Variants in AK8 observed in about 807,000 individuals in gnomAD.
The protein encoded by AK8 is adenylate kinase 8, also known as ATP-AMP transphosphorylase 8.
AK8 carries 44 observed loss-of-function variants against 54.6 expected under a neutral mutation model. That is an observed-to-expected ratio of 0.81 (90% CI 0.63 to 1.04). AK8 has a LOEUF of 1.04. Among genes scored for constraint, AK8 ranks in the 50% least tolerant of loss-of-function variants. The pLI is 0.00. For synonymous variants in AK8, 239 were observed against 245.6 expected, an observed-to-expected ratio of 0.97 and a Z score of 0.25; for missense variants, 555 against 613.6, an observed-to-expected ratio of 0.90 and a Z score of 1.01.
Position 132,860,485 on chromosome 9 carries a change from G to A in AK8, c.333+3180C>T, listed in dbSNP as rs1191934769. Among the ~76,000 whole-genome samples the A allele has an allele frequency of 6.6e-6, 1 of 152,242 alleles. No homozygotes were observed. The highest frequency in any genetic ancestry group is 2.4e-5 in the African/African-American group (1 of 41,468). On this transcript the variant is annotated intron_variant, in intron 4 of 12. Coordinates refer to ENST00000298545, the MANE Select transcript of AK8 (RefSeq NM_152572.3). The surrounding 1 kb of genome is among the most constrained non-coding windows in gnomAD (Gnocchi z 4.4). ...CGGACTCGAACGCAGGTAGAGGACA[G>A]GGAGAGTTCTAGAGGAAAAGGGAAG...
chr9:132,812,355 C>T (rs942062694), intron 10 of AK8, among the ~76,000 whole-genome samples: 10 of 151,354 alleles, frequency 6.6e-5, no homozygotes, highest in Non-Finnish European at 7.4e-5. Context: ...TTCAACCTCC[C>T]GAGTAGCTGG....
At chr9:132,761,812 T>TTC (rs201443052) in intron 11 of AK8, among the ~76,000 whole-genome samples, 4 of 150,556 alleles carry the variant, frequency 2.7e-5, no homozygotes, top group African/African-American at 7.3e-5. Flanking sequence ...CCCTCCCTCC[T>TTC]TCTCTCTCTC....
chr9:132,773,632 G>A (rs1348095295), intron 11 of AK8, among the ~76,000 whole-genome samples: 1 of 152,182 alleles, frequency 6.6e-6, no homozygotes, highest in African/African-American at 2.4e-5. Context: ...TGTTACATGG[G>A]AGGAAACCAT....
chr9:132,834,309 T>A (rs1359513526), intron 5 of AK8, among the ~76,000 whole-genome samples: 2 of 152,168 alleles, frequency 1.3e-5, no homozygotes, highest in Non-Finnish European at 2.9e-5. Flanking sequence ...ACTACCTTGA[T>A]GAACATAAAA....
chr9:132,844,342 CT>C (rs1301685624), intron 5 of AK8, among the ~76,000 whole-genome samples: 2 of 151,802 alleles, frequency 1.3e-5, no homozygotes, highest in African/African-American at 4.8e-5. Flanking sequence ...AACGACCCCC[CT>C]GCATTAACTA....
At chr9:132,821,415 A>T (rs541642437) in intron 9 of AK8, among the ~76,000 whole-genome samples, 1 of 152,014 alleles carries the variant, frequency 6.6e-6, no homozygotes, top group South Asian at 2.1e-4. Context: ...TCTTAAGAGG[A>T]ACAATCAAAA....
At chr9:132,865,686 G>A (rs916459451) in intron 3 of AK8, among the ~76,000 whole-genome samples, 33 of 152,244 alleles carry the variant, frequency 2.2e-4, no homozygotes, top group African/African-American at 5.3e-4. Flanking sequence ...GGTGGCGTAC[G>A]CCTGTAGTCC....
intron 11 of AK8, among the ~76,000 whole-genome samples, chr9:132,759,233 CA>C (rs1838341002): frequency 6.6e-6 from 1 of 151,260 alleles, no homozygotes; most frequent in African/African-American, 2.4e-5. Context: ...TGTACAATTC[CA>C]CAGGTTTTAG....
At chr9:132,870,310 G>C (rs1347273286) in intron 2 of AK8, among the ~76,000 whole-genome samples, 4 of 152,208 alleles carry the variant, frequency 2.6e-5, no homozygotes, top group African/African-American at 9.7e-5. Flanking sequence ...CCCTGCTCAT[G>C]AGTAATTATT....
chr9:132,800,596 G>A (rs957029607), intron 10 of AK8, among the ~76,000 whole-genome samples: 3 of 152,118 alleles, frequency 2.0e-5, no homozygotes, highest in Admixed American at 1.3e-4. Context: ...TTTCTTAGAC[G>A]CCAACCTTTC....
At chr9:132,736,800 AAAGGC>A (rs1837140810) in intron 11 of AK8, among the ~76,000 whole-genome samples, 1 of 151,630 alleles carries the variant, frequency 6.6e-6, no homozygotes, top group South Asian at 2.1e-4. Flanking sequence ...AAAAAAAAAA[AAAGGC>A]ATAAAATTTT....
intron 11 of AK8, among the ~76,000 whole-genome samples, chr9:132,776,122 C>T (rs1430190312): frequency 6.6e-6 from 1 of 152,176 alleles, no homozygotes. Context: ...TCAATGGTCC[C>T]CAGGCAGGAA....
rs73660282 is a variant in AK8, at chr9:132,855,722, A to G, written c.334-797T>C. Among the ~76,000 whole-genome samples, 587 of 152,312 alleles carry G rather than the reference A, an allele frequency of 3.9e-3. 4 individuals carry two copies. Among genetic ancestry groups the G allele is most frequent in the African/African-American group, 0.013 (545 of 41,562 alleles). Reference sequence around the variant, plus strand: ...CAATCATGACGGCTAGCATTTGTTGAGCACGTGCTATGTGCCAGGCACTGG... The same window carrying G: ...CAATCATGACGGCTAGCATTTGTTGGGCACGTGCTATGTGCCAGGCACTGG... On this transcript the variant is annotated intron_variant, in intron 4 of 12. Coordinates refer to ENST00000298545, the MANE Select transcript of AK8 (RefSeq NM_152572.3).
chr9:132,845,315 T>A (rs1002541075), intron 5 of AK8, among the ~76,000 whole-genome samples: 13 of 152,236 alleles, frequency 8.5e-5, no homozygotes, highest in African/African-American at 3.1e-4. Context: ...AATAACGATG[T>A]CAATTATAAT....
chr9:132,866,678 C>T (rs1453218991), intron 3 of AK8, among the ~76,000 whole-genome samples: 1 of 152,134 alleles, frequency 6.6e-6, no homozygotes, highest in Admixed American at 6.5e-5. Context: ...TCCGAGCATG[C>T]TAAAGGAATG....
At chr9:132,750,742 C>G (rs994605160) in intron 11 of AK8, among the ~76,000 whole-genome samples, 5 of 152,008 alleles carry the variant, frequency 3.3e-5, no homozygotes, top group Middle Eastern at 3.2e-3. Context: ...TAGGCTCCCT[C>G]CCCTCCCAAA....
intron 5 of AK8, among the ~76,000 whole-genome samples, chr9:132,852,713 T>C (rs566204891): frequency 7.8e-6 from 1 of 128,974 alleles, no homozygotes; most frequent in African/African-American, 3.1e-5. Context: ...GAGGTTGCAG[T>C]GAGCCGAGAT....
Position 132,871,677 on chromosome 9 carries a change from A to C in AK8, c.169+3438T>G, listed in dbSNP as rs1588242007. On this transcript the variant is annotated intron_variant, in intron 2 of 12. Coordinates refer to ENST00000298545, the MANE Select transcript of AK8 (RefSeq NM_152572.3). ...GGAGCCTAAGCCTCTGCTCGAGAAC[A>C]ACAGAGCAGGTGCAGTGCAGAGAAA... Among the ~76,000 whole-genome samples, 4 of 152,318 alleles carry C rather than the reference A, an allele frequency of 2.6e-5. No individual in the cohort carries two copies. In the South Asian group the frequency reaches 8.3e-4, roughly 32 times the overall value.
chr9:132,820,528 G>A (rs1841539679), intron 9 of AK8, among the ~76,000 whole-genome samples: 1 of 152,158 alleles, frequency 6.6e-6, no homozygotes, highest in African/African-American at 2.4e-5. Context: ...TTCTCATTAT[G>A]CTTCTGCCAC....
Sources: gnomAD v4.1 joint callset for allele counts (sites outside exome capture counted in the v4.1 genomes callset) on GRCh38, gnomAD v4.1.1 for gene constraint, Gnocchi (gnomAD v3.1) non-coding constraint, MANE v1.5 for transcripts, NCBI Gene and HGNC (gene_info 2026-07-23, HGNC 2026-07-21) for gene names.